RLN2: variants seen among roughly 807,000 people sequenced by gnomAD.
RLN2 encodes prorelaxin H2.
RLN2 carries 10 observed loss-of-function variants against 7.3 expected under a neutral mutation model. That is an observed-to-expected ratio of 1.36 (90% CI 0.84 to 2.31). The LOEUF (loss-of-function observed/expected upper bound fraction) is 2.31, where lower values mean the gene tolerates loss of function less well. Ranked by LOEUF, RLN2 falls within the 30% of genes most tolerant of loss-of-function variation. The probability of loss-of-function intolerance (pLI) is 0.00; values close to 1 mark genes in which losing one functional copy is unlikely to be tolerated. For synonymous variants in RLN2, 103 were observed against 82.3 expected (o/e 1.25, Z -1.36); for missense variants, 298 against 217.6 (o/e 1.37, Z -2.32).
chr9:5,332,813 CA>C, the RLN2 span, among the ~76,000 whole-genome samples: 2 of 151,798 alleles, frequency 1.3e-5, no homozygotes, highest in African/African-American at 4.8e-5. Context: ...AACGGGGTTT[CA>C]CCATGTTAGC....
At chr9:5,311,771 T>G in the RLN2 span, 1 of 786,632 alleles carries the variant, frequency 1.3e-6, no homozygotes, top group Non-Finnish European at 2.1e-6. Flanking sequence ...GTTTGAAATA[T>G]GATTTTTTTA....
chr9:5,335,313 C>G, the RLN2 span: 1 of 1,609,136 alleles, frequency 6.2e-7, no homozygotes, highest in Non-Finnish European at 8.5e-7. Context: ...TCAAACAGTG[C>G]CACGTAGGGT....
At chr9:5,324,020 C>G in the RLN2 span, among the ~76,000 whole-genome samples, 1 of 151,910 alleles carries the variant, frequency 6.6e-6, no homozygotes, top group Non-Finnish European at 1.5e-5. Flanking sequence ...GCACTCCAGT[C>G]TGGGCAACAG....
the RLN2 span, among the ~76,000 whole-genome samples, chr9:5,322,070 G>C: frequency 2.6e-4 from 40 of 152,166 alleles, no homozygotes; most frequent in African/African-American, 8.4e-4. Context: ...CGAATGGATG[G>C]GTACAGCAAA....
At chr9:5,317,486 G>C in the RLN2 span, among the ~76,000 whole-genome samples, 57 of 149,006 alleles carry the variant, frequency 3.8e-4, no homozygotes, top group East Asian at 0.011. Flanking sequence ...CACTGAGAAC[G>C]AAGAGCTCTG....
the RLN2 span, among the ~76,000 whole-genome samples, chr9:5,329,908 A>T: frequency 6.6e-6 from 1 of 152,006 alleles, no homozygotes; most frequent in Non-Finnish European, 1.5e-5. Context: ...CACCAAGCAG[A>T]CCTAATAGAC....
At chr9:5,306,230 C>G (rs181016313), upstream of RLN2, among the ~76,000 whole-genome samples, 1 of 151,080 alleles carries the variant, frequency 6.6e-6, no homozygotes, top group East Asian at 2.0e-4. Flanking sequence ...GCCTCAGCCT[C>G]TGAAGTAGCT....
At chr9:5,314,769 G>A in the RLN2 span, among the ~76,000 whole-genome samples, 1 of 151,974 alleles carries the variant, frequency 6.6e-6, no homozygotes, top group Non-Finnish European at 1.5e-5. Context: ...GGTCCTTGCT[G>A]CTGTCACACC....
chr9:5,335,754 G>A, the RLN2 span, among the ~76,000 whole-genome samples: 1 of 151,962 alleles, frequency 6.6e-6, no homozygotes, highest in Non-Finnish European at 1.5e-5. Context: ...TAAACACTTA[G>A]CTTTCTTACA....
At chr9:5,311,603 A>G in the RLN2 span, 3 of 1,101,750 alleles carry the variant, frequency 2.7e-6, no homozygotes, top group Non-Finnish European at 4.1e-6. Flanking sequence ...GAAGATACCC[A>G]TAGGGAAAAA....
At chr9:5,304,794 T>C (rs1194191514), upstream of RLN2, 1 of 586,564 alleles carries the variant, frequency 1.7e-6, no homozygotes. Flanking sequence ...CACAGAATTT[T>C]CCCCCTCAGC....
At chr9:5,336,835 C>G in the RLN2 span, among the ~76,000 whole-genome samples, 2 of 151,910 alleles carry the variant, frequency 1.3e-5, no homozygotes, top group Admixed American at 6.6e-5. Flanking sequence ...ACCTGGTTAA[C>G]CACTGATGCC....
chr9:5,317,994 A>ATGTGTGTGTGCGTG, the RLN2 span, among the ~76,000 whole-genome samples: 16 of 64,746 alleles, frequency 2.5e-4, no homozygotes, highest in Admixed American at 1.5e-4. Context: ...TAACAAAACT[A>ATGTGTGTGTGCGTG]TGTGTGTGTG....
At chr9:5,306,703 C>T (rs185880966), upstream of RLN2, among the ~76,000 whole-genome samples, 152 of 152,164 alleles carry the variant, frequency 1.0e-3, no homozygotes, top group Admixed American at 2.2e-3. Flanking sequence ...TGGGTTCCAA[C>T]CCATGTCTAC....
chr9:5,323,202 A>G, the RLN2 span, among the ~76,000 whole-genome samples: 3 of 151,870 alleles, frequency 2.0e-5, no homozygotes, highest in Non-Finnish European at 4.4e-5. Flanking sequence ...TTAAGATAGT[A>G]TCTGTCTCAG....
chr9:5,304,645 C>T lies in RLN2; in HGVS notation c.-65G>A. On this transcript the variant is annotated 5_prime_UTR_variant, in exon 1 of 2. Coordinates refer to ENST00000381627, the MANE Select transcript of RLN2 (RefSeq NM_134441.3). ...CTTTCAGGACTGCAGCTGCTGTGGCCTACACACCTGGGCCTGTGTGCCTGT... is the reference window on the plus strand; with the variant it reads ...CTTTCAGGACTGCAGCTGCTGTGGCTTACACACCTGGGCCTGTGTGCCTGT... 1.3e-6 allele frequency: 2 copies of T among 1,529,336 alleles called. No individual in the cohort carries two copies. The highest frequency in any genetic ancestry group is 1.8e-6 in the Non-Finnish European group (2 of 1,105,858). The allele number at this position is 1,529,336 out of a possible 1,614,324, so 94.7% of individuals were successfully genotyped here. A position where few individuals can be genotyped will look rare whatever the true frequency, so the allele number is the denominator to read the frequency against.
At chr9:5,337,527 A>C in the RLN2 span, among the ~76,000 whole-genome samples, 1 of 151,990 alleles carries the variant, frequency 6.6e-6, no homozygotes, top group Non-Finnish European at 1.5e-5. Context: ...TTTAAAAGGG[A>C]TGCAGTGAAT....
At chr9:5,319,681 T>A in the RLN2 span, among the ~76,000 whole-genome samples, 1 of 152,146 alleles carries the variant, frequency 6.6e-6, no homozygotes. Flanking sequence ...TTACAATAAT[T>A]GGCAAGCAAG....
At chr9:5,331,241 C>A in the RLN2 span, among the ~76,000 whole-genome samples, 10 of 152,028 alleles carry the variant, frequency 6.6e-5, no homozygotes, top group Non-Finnish European at 1.3e-4. Flanking sequence ...CTCCCTAACT[C>A]ATTTTATGGG....
Sources: gnomAD v4.1 joint callset for allele counts (sites outside exome capture counted in the v4.1 genomes callset) on GRCh38, gnomAD v4.1.1 for gene constraint, MANE v1.5 for transcripts, NCBI Gene and HGNC (gene_info 2026-07-23, HGNC 2026-07-21) for gene names.